Variants in FHIT observed in about 807,000 individuals in gnomAD.
FHIT encodes the protein fragile histidine triad diadenosine triphosphatase.
A neutral mutation model predicts 17.9 loss-of-function variants in FHIT; 19 were observed. The observed-to-expected ratio is 1.06, with a 90% CI of 0.74 to 1.56. The LOEUF (loss-of-function observed/expected upper bound fraction) is 1.56, where lower values mean the gene tolerates loss of function less well. FHIT is among the 40% of genes most tolerant of loss of function. The probability of loss-of-function intolerance (pLI) is 0.00; values close to 1 mark genes in which losing one functional copy is unlikely to be tolerated. For missense variants in FHIT, 248 were observed against 189.2 expected, an observed-to-expected ratio of 1.31 and a Z score of -1.82; for synonymous variants, 81 against 69.7, an observed-to-expected ratio of 1.16 and a Z score of -0.81.
intron 4 of FHIT, among the ~76,000 whole-genome samples, chr3:60,552,963 A>G (rs1045162375): frequency 1.3e-5 from 2 of 152,190 alleles, no homozygotes; most frequent in Non-Finnish European, 2.9e-5. Flanking sequence ...AGGCATGTCT[A>G]CATGGTCCCG....
At chr3:61,161,798 A>C (rs546211385) in intron 2 of FHIT, among the ~76,000 whole-genome samples, 12 of 152,212 alleles carry the variant, frequency 7.9e-5, no homozygotes, top group African/African-American at 2.9e-4. Flanking sequence ...AAAACCAGTG[A>C]CATTTTTTAT....
chr3:60,888,543 T>C (rs1450419844), intron 3 of FHIT, among the ~76,000 whole-genome samples: 1 of 152,206 alleles, frequency 6.6e-6, no homozygotes, highest in East Asian at 1.9e-4. Context: ...CTTTAAATGA[T>C]AGCTTTAGAA....
At chr3:60,096,540 C>T (rs1703956521) in intron 5 of FHIT, among the ~76,000 whole-genome samples, 3 of 152,234 alleles carry the variant, frequency 2.0e-5, no homozygotes, top group South Asian at 4.1e-4. Flanking sequence ...TCTGTTGGTT[C>T]GGAGGTGGGA....
Position 60,001,357 on chromosome 3 carries a change from C to T in FHIT, c.279+10014G>A, listed in dbSNP as rs79998263. ...TGCATTATGGTGTTCATTTCAAAGT[C>T]TGTACTTGAAAACAAGGACTACGTC... On this transcript the variant is annotated intron_variant, in intron 7 of 9. Coordinates refer to ENST00000492590, the MANE Select transcript of FHIT (RefSeq NM_002012.4). Among the ~76,000 whole-genome samples, 1,136 of 152,276 alleles carry T rather than the reference C, an allele frequency of 7.5e-3. 8 individuals carry two copies. Among genetic ancestry groups the T allele is most frequent in the Non-Finnish European group, 0.01 (708 of 68,014 alleles).
intron 6 of FHIT, among the ~76,000 whole-genome samples, chr3:60,013,547 A>G (rs1700220772): frequency 6.6e-6 from 1 of 152,196 alleles, no homozygotes. Flanking sequence ...CAACCAGTGA[A>G]TCTAGCTTCT....
chr3:60,991,259 G>GT (rs949336997), intron 3 of FHIT, among the ~76,000 whole-genome samples: 1 of 152,220 alleles, frequency 6.6e-6, no homozygotes, highest in African/African-American at 2.4e-5. Context: ...AGCCGGGCTT[G>GT]TTCAAGAACA....
At chr3:60,159,173 T>G (rs1159030591) in intron 5 of FHIT, among the ~76,000 whole-genome samples, 3 of 151,792 alleles carry the variant, frequency 2.0e-5, no homozygotes, top group Non-Finnish European at 4.4e-5. Context: ...CAGGCGGGAG[T>G]GCAGTAACCC....
chr3:60,559,471 G>A (rs893084230), intron 4 of FHIT, among the ~76,000 whole-genome samples: 3 of 152,168 alleles, frequency 2.0e-5, no homozygotes, highest in African/African-American at 7.2e-5. Context: ...GTCCCCTCTT[G>A]CCTTGATGCA....
At chr3:61,050,979 T>A (rs2034003780) in intron 2 of FHIT, among the ~76,000 whole-genome samples, 1 of 152,206 alleles carries the variant, frequency 6.6e-6, no homozygotes, top group Non-Finnish European at 1.5e-5. Context: ...ACCTATTTTG[T>A]GAGTTTTGAT....
At chr3:59,874,170 C>A (rs895607012) in intron 8 of FHIT, among the ~76,000 whole-genome samples, 23 of 152,128 alleles carry the variant, frequency 1.5e-4, no homozygotes, top group Non-Finnish European at 2.5e-4. Context: ...CAAAGATCCC[C>A]TTCTACGTCA....
At chr3:60,968,496 C>G (rs1051164803) in intron 3 of FHIT, among the ~76,000 whole-genome samples, 3 of 150,768 alleles carry the variant, frequency 2.0e-5, no homozygotes, top group African/African-American at 4.9e-5. Context: ...TGGCTCACTG[C>G]AAGCTCCTGG....
Position 60,614,837 on chromosome 3 carries a change from TTTTTG to T in FHIT, c.-17-77863_-17-77859del, listed in dbSNP as rs1559583701. On this transcript the variant is annotated intron_variant, in intron 4 of 9. Coordinates refer to ENST00000492590, the MANE Select transcript of FHIT (RefSeq NM_002012.4). ...TTTTTTTTGTTTTTTTTTTGTTTTT[TTTTTG>T]TTTTTTGAGATGGAGCCCTGCTCTG... 4.5e-4 allele frequency among the ~76,000 whole-genome samples: 33 copies of T among 73,494 alleles called. 5 individuals are homozygous for T. Among genetic ancestry groups the T allele is most frequent in the Non-Finnish European group, 5.9e-4 (16 of 27,270 alleles). 48.2% of individuals were successfully genotyped at this position (73,494 alleles called of 152,430 possible).
intron 2 of FHIT, among the ~76,000 whole-genome samples, chr3:61,192,162 A>G (rs916986229): frequency 1.3e-5 from 2 of 152,190 alleles, no homozygotes; most frequent in Non-Finnish European, 2.9e-5. Flanking sequence ...TGGCACAGGA[A>G]AAAGAGCAAG....
At chr3:60,429,438 G>T (rs1329837091) in intron 5 of FHIT, among the ~76,000 whole-genome samples, 1 of 151,934 alleles carries the variant, frequency 6.6e-6, no homozygotes, top group Non-Finnish European at 1.5e-5. Context: ...AAGAAGGAAG[G>T]AAGTCAGGAG....
At chr3:60,601,021 T>C (rs1312797602) in intron 4 of FHIT, among the ~76,000 whole-genome samples, 1 of 152,246 alleles carries the variant, frequency 6.6e-6, no homozygotes, top group Non-Finnish European at 1.5e-5. Context: ...ACAGCAGCAG[T>C]TCACAGCAGC....
intron 5 of FHIT, among the ~76,000 whole-genome samples, chr3:60,150,139 G>A (rs1043835985): frequency 6.9e-6 from 1 of 145,144 alleles, no homozygotes; most frequent in African/African-American, 2.5e-5. Flanking sequence ...TAGGATTACA[G>A]GCATGCGCCC....
At chr3:59,755,057 C>CTGCTTTTTGGGAGAAGTGTGTAGATAG (rs1701138042) in intron 8 of FHIT, among the ~76,000 whole-genome samples, 1 of 152,146 alleles carries the variant, frequency 6.6e-6, no homozygotes, top group South Asian at 2.1e-4. Context: ...TTGAGAATCA[C>CTGCTTTTTGGGAGAAGTGTGTAGATAG]TGCTTTTTGG....
At chr3:59,888,174 A>G (rs1703706651) in intron 8 of FHIT, among the ~76,000 whole-genome samples, 1 of 152,206 alleles carries the variant, frequency 6.6e-6, no homozygotes, top group Admixed American at 6.5e-5. Context: ...TTGTCTCTTA[A>G]CAAATTCATA....
chr3:60,873,138 G>GGAGAGAGAGAGAGAGAGAGA (rs71287128), intron 3 of FHIT, among the ~76,000 whole-genome samples: 2 of 147,054 alleles, frequency 1.4e-5, no homozygotes, highest in African/African-American at 5.0e-5. Context: ...AGAGGGAGAG[G>GGAGAGAGAGAGAGAGAGAGA]GAGAGAGAGA....
Sources: gnomAD v4.1 joint callset for allele counts (sites outside exome capture counted in the v4.1 genomes callset) on GRCh38, gnomAD v4.1.1 for gene constraint, MANE v1.5 for transcripts, NCBI Gene and HGNC (gene_info 2026-07-23, HGNC 2026-07-21) for gene names.